The following COL9A1 variants were observed in gnomAD, a reference collection of about 807,000 sequenced individuals.
The protein encoded by COL9A1 is collagen type IX alpha 1 chain.
In COL9A1, 104 loss-of-function variants were observed where a neutral mutation model predicts 142.6. That is an observed-to-expected ratio of 0.73 (90% CI 0.62 to 0.86). The LOEUF is 0.86. Among genes scored for constraint, COL9A1 ranks in the 40% least tolerant of loss-of-function variants. The pLI, the probability that COL9A1 is intolerant of heterozygous loss-of-function variation, is 0.00. For synonymous variants in COL9A1, 466 were observed against 396.0 expected (o/e 1.18, Z -2.10); for missense variants, 1,210 against 1,176.6 (o/e 1.03, Z -0.42).
At chr6:70,243,804 A>C (rs2127567784) in intron 28 of COL9A1, among the ~76,000 whole-genome samples, 1 of 152,332 alleles carries the variant, frequency 6.6e-6, no homozygotes, top group East Asian at 1.9e-4. Context: ...CTGGGATTAC[A>C]GGTGTGAGCC....
chr6:70,281,575 G>A (rs533096719), intron 7 of COL9A1, 111 bp from the exon 8 acceptor site: 2 of 807,646 alleles, frequency 2.5e-6, no homozygotes, highest in South Asian at 1.8e-5. Context: ...CCTTCCAGAG[G>A]AGGCCGGGTT....
chr6:70,272,695 G>A (rs1273867930), intron 12 of COL9A1, among the ~76,000 whole-genome samples: 1 of 152,108 alleles, frequency 6.6e-6, no homozygotes, highest in African/African-American at 2.4e-5. Flanking sequence ...TGATTTTTAA[G>A]ATAGTCATTC....
At chr6:70,280,690 T>C (rs1199421574) in intron 10 of COL9A1, 122 bp downstream of exon 10, 8 of 1,392,706 alleles carry the variant, frequency 5.7e-6, no homozygotes, top group East Asian at 2.5e-5. Flanking sequence ...AGGCCAAGTT[T>C]AGAGCCACAG....
chr6:70,240,834 C>G lies in COL9A1; in HGVS notation c.2035-101G>C, dbSNP rs147985361. ...AGCATTCATAAGTGCCCACAGTGTT[C>G]CCAGAATCATGCAGAAATACAAAAT... is the stretch of plus-strand genomic sequence containing the variant. On this transcript the variant is annotated intron_variant, in intron 31 of 37. Transcript: ENST00000357250. 4.8e-4 allele frequency: 434 copies of G among 906,282 alleles called. 7 individuals carry two copies. The East Asian group carries it at 0.01, about 21-fold the overall frequency. 56.1% of individuals were successfully genotyped at this position (906,282 alleles called of 1,614,324 possible). A position where few individuals can be genotyped will look rare whatever the true frequency, so the allele number is the denominator to read the frequency against.
chr6:70,276,008 T>C (rs1772734962), intron 10 of COL9A1, among the ~76,000 whole-genome samples: 2 of 152,118 alleles, frequency 1.3e-5, no homozygotes, highest in Admixed American at 1.3e-4. Flanking sequence ...CTACCTTAAT[T>C]AATTTTCCTA....
intron 5 of COL9A1, among the ~76,000 whole-genome samples, chr6:70,284,264 G>A (rs1302627877): frequency 1.3e-5 from 2 of 151,912 alleles, no homozygotes; most frequent in African/African-American, 2.4e-5. Flanking sequence ...GATTTTAGAT[G>A]GGAGATTAGA....
rs200829297 is a variant in COL9A1 at position 70,217,046 on chromosome 6, G to C, written c.2617C>G (p.Arg873Gly). 97 of 1,614,014 alleles carry C rather than the reference G, an allele frequency of 6.0e-5. No individual in the cohort carries two copies. Among genetic ancestry groups the C allele is most frequent in the Non-Finnish European group, 8.2e-5 (97 of 1,180,042 alleles). ...PGPASYGRNG[R>G]DGERGPPGVA... ...CCTGGGGGGCCTCGCTCACCGTCTC[G>C]GCCATTTCTGCCATAGCTGGCAGGG... Residue 873 changes from arginine to glycine, a missense_variant, in exon 38 of 38, where the codon CGA (arginine) becomes GGA (glycine). Physicochemically the swap from Arg to Gly is moderately radical, Grantham distance 125. Transcript: ENST00000357250.
At chr6:70,276,288 G>A (rs879410216) in intron 10 of COL9A1, among the ~76,000 whole-genome samples, 3 of 152,062 alleles carry the variant, frequency 2.0e-5, no homozygotes, top group Non-Finnish European at 2.9e-5. Flanking sequence ...TGCACATATG[G>A]CATGTAAATT....
intron 33 of COL9A1, among the ~76,000 whole-genome samples, chr6:70,238,937 G>A (rs565977828): frequency 2.6e-4 from 39 of 152,192 alleles, no homozygotes; most frequent in Admixed American, 8.5e-4. Flanking sequence ...TAAGGAATTC[G>A]AGACCAGTCT....
At chr6:70,224,348 A>T (rs1479594441) in intron 37 of COL9A1, among the ~76,000 whole-genome samples, 1 of 152,152 alleles carries the variant, frequency 6.6e-6, no homozygotes, top group Admixed American at 6.5e-5. Context: ...TGTGCTTCTG[A>T]CAGTCTGGGA....
chr6:70,274,902 A>G (rs1253859065), intron 10 of COL9A1, 130 bp from the exon 11 acceptor site: 6 of 713,942 alleles, frequency 8.4e-6, no homozygotes. Context: ...ATATTTATAA[A>G]GAAATACCTT....
chr6:70,267,218 C>T (rs1352345858), intron 17 of COL9A1, among the ~76,000 whole-genome samples: 1 of 152,224 alleles, frequency 6.6e-6, no homozygotes, highest in Admixed American at 6.5e-5. Flanking sequence ...TCCATTCCCA[C>T]CTCCTTCCTG....
At chr6:70,265,527 C>A (rs890387213) in intron 18 of COL9A1, among the ~76,000 whole-genome samples, 3 of 143,544 alleles carry the variant, frequency 2.1e-5, no homozygotes, top group South Asian at 2.2e-4. Context: ...GGCTTCTGTG[C>A]CCCCAGTGCT....
In COL9A1 at chr6:70,217,067, C is replaced by T. The variant is rs1768563110; in HGVS notation, c.2596G>A (p.Ala866Thr). 6.2e-7 allele frequency: 1 copy of T among 1,614,096 alleles called. No individual in the cohort carries two copies. Among genetic ancestry groups the T allele is most frequent in the Non-Finnish European group, 8.5e-7 (1 of 1,180,042 alleles). Residue 866 changes from alanine (A) to threonine (T), a missense_variant, in exon 38 of 38, where the codon GCC becomes ACC. Coordinates refer to ENST00000357250, the MANE Select transcript of COL9A1 (RefSeq NM_001851.6). Reference sequence around the variant, plus strand: ...TCTCGGCCATTTCTGCCATAGCTGGCAGGGCCTGGGTCACCTGAAACACAC... The same window carrying T: ...TCTCGGCCATTTCTGCCATAGCTGGTAGGGCCTGGGTCACCTGAAACACAC... ...AIGLPGDPGP[A>T]SYGRNGRDGE...
chr6:70,267,551 A>T (rs1335188511), intron 17 of COL9A1, among the ~76,000 whole-genome samples: 1 of 151,162 alleles, frequency 6.6e-6, no homozygotes, highest in Non-Finnish European at 1.5e-5. Flanking sequence ...CGAACTCCCA[A>T]CGTCAGGTGA....
At chr6:70,265,532 A>T (rs1213870412) in intron 18 of COL9A1, among the ~76,000 whole-genome samples, 3 of 139,246 alleles carry the variant, frequency 2.2e-5, no homozygotes, top group Non-Finnish European at 4.7e-5. Context: ...CTGTGCCCCC[A>T]GTGCTCAGAA....
chr6:70,272,203 C>A, intron 12 of COL9A1, 115 bp from the exon 13 acceptor site: 33 of 775,288 alleles, frequency 4.3e-5, no homozygotes, highest in Admixed American at 5.2e-5. Context: ...AAATGATGCT[C>A]ATTCTAAAGA....
At chr6:70,229,968 A>G (rs886472935) in intron 36 of COL9A1, among the ~76,000 whole-genome samples, 1 of 152,206 alleles carries the variant, frequency 6.6e-6, no homozygotes, top group African/African-American at 2.4e-5. Context: ...AAGCATTCAT[A>G]ATAAAACTTG....
At chr6:70,273,431 A>G (rs1313519555) in intron 12 of COL9A1, among the ~76,000 whole-genome samples, 1 of 152,220 alleles carries the variant, frequency 6.6e-6, no homozygotes, top group East Asian at 1.9e-4. Flanking sequence ...ATGCTGAAAT[A>G]TGGCAAAGAA....
Sources: allele counts gnomAD v4.1 joint callset (sites outside exome capture counted in the v4.1 genomes callset), GRCh38; gene constraint gnomAD v4.1.1; transcripts MANE v1.5; gene names NCBI Gene and HGNC (gene_info 2026-07-23, HGNC 2026-07-21).